Variants in VPS13B observed in about 807,000 individuals in gnomAD.
VPS13B encodes the protein intermembrane lipid transfer protein VPS13B.
Under a neutral mutation model 426.4 loss-of-function variants are expected in VPS13B, and 285 were observed. The observed-to-expected ratio is 0.67, with a 90% CI of 0.61 to 0.74. The LOEUF (loss-of-function observed/expected upper bound fraction) is 0.74. Among genes scored for constraint, VPS13B ranks in the 30% least tolerant of loss-of-function variants. The pLI is 0.00. For missense variants in VPS13B, 4,537 were observed against 4,782.6 expected, an observed-to-expected ratio of 0.95 and a Z score of 1.51; for synonymous variants, 1,676 against 1,676.4, an observed-to-expected ratio of 1.00 and a Z score of 0.01.
chr8:99,843,098 G>A lies in VPS13B; in HGVS notation c.9943-5678G>A, dbSNP rs1173883846. ...AGCCCAGGGAGGCGGAGGTTGCAGT[G>A]AGCCATGATCGTGCCACTTCACTCC... is the stretch of plus-strand genomic sequence containing the variant. On this transcript the variant is annotated intron_variant, in intron 54 of 61. Coordinates refer to ENST00000357162, the MANE Select transcript of VPS13B (RefSeq NM_152564.5). 2.0e-5 allele frequency among the ~76,000 whole-genome samples: 3 copies of A among 152,280 alleles called. No individual in the cohort carries two copies. The East Asian group carries it at 5.8e-4, about 29-fold the overall frequency.
intron 3 of VPS13B, among the ~76,000 whole-genome samples, chr8:99,056,066 G>GT (rs960212055): frequency 6.0e-5 from 9 of 151,188 alleles, no homozygotes; most frequent in South Asian, 2.1e-4. Context: ...TTGTTTGTTT[G>GT]TTTTTTTTGA....
intron 39 of VPS13B, among the ~76,000 whole-genome samples, chr8:99,741,551 C>A (rs1303048272): frequency 1.9e-4 from 29 of 152,206 alleles, no homozygotes; most frequent in African/African-American, 6.7e-4. Flanking sequence ...ACACCTATTC[C>A]AAAATTGACC....
intron 3 of VPS13B, among the ~76,000 whole-genome samples, chr8:99,054,640 A>G (rs184209731): frequency 3.2e-4 from 49 of 152,274 alleles, no homozygotes; most frequent in Admixed American, 1.4e-3. Flanking sequence ...TGCTTTATCT[A>G]AGGTCTTGAA....
intron 17 of VPS13B, among the ~76,000 whole-genome samples, chr8:99,213,528 TA>T (rs1457298904): frequency 6.6e-6 from 1 of 152,196 alleles, no homozygotes; most frequent in East Asian, 1.9e-4. Flanking sequence ...GTAATTCTTT[TA>T]AAGTAAATAT....
At chr8:99,465,222 A>C (rs1180661876) in intron 23 of VPS13B, among the ~76,000 whole-genome samples, 2 of 152,050 alleles carry the variant, frequency 1.3e-5, no homozygotes, top group Non-Finnish European at 2.9e-5. Flanking sequence ...AGGTGTTTTC[A>C]TTCTGGTGTG....
chr8:99,875,572 C>T lies in VPS13B; in HGVS notation c.11900C>T (p.Thr3967Ile), dbSNP rs756075856. 6.2e-7 allele frequency: 1 copy of T among 1,614,194 alleles called. No homozygotes were observed. Among genetic ancestry groups the T allele is most frequent in the Non-Finnish European group, 8.5e-7 (1 of 1,180,036 alleles). ...GAACCTCCCCCCTCCACTGTTAAAA[C>T]ATACCATTACCTGGTTGATCCACAT... ...AAEPPPSTVKTYHYLVDPHFA... is the reference protein window; with the variant it reads ...AAEPPPSTVKIYHYLVDPHFA... Residue 3967 changes from threonine to isoleucine, a missense_variant, in exon 62 of 62, where the codon ACA becomes ATA. Coordinates refer to ENST00000357162, the MANE Select transcript of VPS13B (RefSeq NM_152564.5).
chr8:99,036,051 A>C (rs1233239122), intron 2 of VPS13B, among the ~76,000 whole-genome samples: 3 of 152,312 alleles, frequency 2.0e-5, no homozygotes, highest in Admixed American at 2.0e-4. Context: ...TCTAGATATT[A>C]GTACCTTATC....
chr8:99,038,175 A>G (rs756060368), intron 2 of VPS13B, among the ~76,000 whole-genome samples: 7 of 152,118 alleles, frequency 4.6e-5, no homozygotes, highest in African/African-American at 1.4e-4. Context: ...ATCATTAACT[A>G]TGGCCTAACA....
intron 26 of VPS13B, 68 bp downstream of exon 26, chr8:99,501,926 C>CCCTCCCTCCCTT: frequency 2.8e-6 from 3 of 1,068,558 alleles, no homozygotes; most frequent in South Asian, 1.4e-5. Flanking sequence ...CTCCCTCCCT[C>CCCTCCCTCCCTT]CCTTCCTTCC....
chr8:99,370,268 G>C (rs540677861), intron 19 of VPS13B, among the ~76,000 whole-genome samples: 24 of 152,178 alleles, frequency 1.6e-4, no homozygotes, highest in African/African-American at 5.3e-4. Flanking sequence ...TAACAAACAA[G>C]GTAATGTGAT....
intron 22 of VPS13B, among the ~76,000 whole-genome samples, chr8:99,442,101 A>G (rs1817707238): frequency 1.3e-5 from 2 of 152,164 alleles, no homozygotes; most frequent in Admixed American, 6.6e-5. Context: ...AATAAACTGC[A>G]AAAGAAAGAG....
intron 3 of VPS13B, among the ~76,000 whole-genome samples, chr8:99,075,903 T>A (rs1176313584): frequency 6.6e-6 from 1 of 152,194 alleles, no homozygotes; most frequent in Non-Finnish European, 1.5e-5. Flanking sequence ...TTCCTTGTGC[T>A]AGCTTTGTGT....
intron 21 of VPS13B, among the ~76,000 whole-genome samples, chr8:99,407,200 G>A (rs983889677): frequency 2.0e-5 from 3 of 152,122 alleles, no homozygotes; most frequent in Non-Finnish European, 4.4e-5. Context: ...CAAATTGGTA[G>A]CCAGGGAAAC....
chr8:99,316,144 G>T (rs1054720968), intron 19 of VPS13B, among the ~76,000 whole-genome samples: 1 of 152,186 alleles, frequency 6.6e-6, no homozygotes, highest in African/African-American at 2.4e-5. Flanking sequence ...TGCAACTGGA[G>T]AATGCCTGCT....
intron 17 of VPS13B, among the ~76,000 whole-genome samples, chr8:99,243,202 AG>A (rs1290919115): frequency 2.0e-5 from 3 of 152,214 alleles, no homozygotes; most frequent in African/African-American, 7.2e-5. Context: ...AAGTGCATGA[AG>A]AAACCAAGTA....
intron 54 of VPS13B, among the ~76,000 whole-genome samples, chr8:99,844,463 G>A (rs531738302): frequency 1.5e-3 from 235 of 151,832 alleles, no homozygotes; most frequent in Middle Eastern, 3.4e-3. Context: ...CGCCTCCCGG[G>A]TTCAAGTGAT....
At chr8:99,538,853 T>C (rs1172972073) in intron 30 of VPS13B, among the ~76,000 whole-genome samples, 1 of 152,208 alleles carries the variant, frequency 6.6e-6, no homozygotes, top group Non-Finnish European at 1.5e-5. Flanking sequence ...ATCTTTACCT[T>C]CATGAAACAT....
chr8:99,209,705 C>T (rs1309359884), intron 17 of VPS13B: 61 of 982,814 alleles, frequency 6.2e-5, no homozygotes, highest in Non-Finnish European at 7.4e-5. Context: ...CTGTGCCTGG[C>T]CCTTTATAAA....
chr8:99,039,773 A>C (rs896466082), intron 3 of VPS13B, among the ~76,000 whole-genome samples: 1 of 152,072 alleles, frequency 6.6e-6, no homozygotes, highest in Non-Finnish European at 1.5e-5. Flanking sequence ...AACCCAGTGG[A>C]CTCAGATCTT....
Sources: gnomAD v4.1 joint callset for allele counts (sites outside exome capture counted in the v4.1 genomes callset) on GRCh38, gnomAD v4.1.1 for gene constraint, MANE v1.5 for transcripts, NCBI Gene and HGNC (gene_info 2026-07-23, HGNC 2026-07-21) for gene names.